MACROD2: variants seen among roughly 807,000 people sequenced by gnomAD.
MACROD2 encodes mono-ADP ribosylhydrolase 2.
A neutral mutation model predicts 70.4 loss-of-function variants in MACROD2; 36 were observed. The observed-to-expected ratio is 0.51, with a 90% confidence interval of 0.39 to 0.68. The LOEUF (loss-of-function observed/expected upper bound fraction) is 0.68. Among genes scored for constraint, MACROD2 ranks in the 30% least tolerant of loss-of-function variants. MACROD2 has a pLI of 0.00. For missense variants in MACROD2, 496 were observed against 538.4 expected (o/e 0.92, Z 0.78); for synonymous variants, 172 against 178.8 (o/e 0.96, Z 0.30).
intron 5 of MACROD2, among the ~76,000 whole-genome samples, chr20:15,143,552 A>G (rs1156439985): frequency 2.0e-5 from 3 of 151,904 alleles, no homozygotes; most frequent in African/African-American, 7.3e-5. Context: ...TTTTGTTGCC[A>G]TTGCTTTTGG....
At chr20:14,793,221 A>T (rs2072470707) in intron 5 of MACROD2, among the ~76,000 whole-genome samples, 1 of 151,906 alleles carries the variant, frequency 6.6e-6, no homozygotes. Context: ...ATATATCTTT[A>T]TCAGGTTATA....
intron 5 of MACROD2, among the ~76,000 whole-genome samples, chr20:14,955,268 T>G (rs1475548979): frequency 1.4e-5 from 2 of 138,204 alleles, no homozygotes; most frequent in Non-Finnish European, 3.1e-5. Flanking sequence ...TATAATATAA[T>G]TTTTATTATA....
intron 8 of MACROD2, among the ~76,000 whole-genome samples, chr20:15,584,514 TAAATA>T (rs371372478): frequency 1.8e-3 from 274 of 152,038 alleles, no homozygotes; most frequent in African/African-American, 6.1e-3. Context: ...CTGAAAAAAA[TAAATA>T]AAATAAAGTG....
chr20:15,617,947 G>A (rs1349838032), intron 8 of MACROD2, among the ~76,000 whole-genome samples: 2 of 152,168 alleles, frequency 1.3e-5, no homozygotes, highest in Non-Finnish European at 2.9e-5. Flanking sequence ...AACAAGCATG[G>A]AACATACCAC....
intron 3 of MACROD2, among the ~76,000 whole-genome samples, chr20:14,416,986 TTC>T (rs1481248458): frequency 2.0e-5 from 3 of 152,178 alleles, no homozygotes; most frequent in Non-Finnish European, 2.9e-5. Context: ...AACTTTAATT[TTC>T]TGTTATGTGA....
At position 15,919,789 on chromosome 20, in the gene MACROD2, G is replaced by T. The variant is rs1009177076; in HGVS notation, c.776-13487G>T. 1.4e-4 allele frequency among the ~76,000 whole-genome samples: 22 copies of T among 152,124 alleles called. 1 individual carries two copies. The highest frequency in any genetic ancestry group is 6.2e-4 in the South Asian group (3 of 4,818). ...GATTATCATCTCAAGACGATCCACT[G>T]TCAGCGGGTATTGCCCTGTTACAGG... On this transcript the variant is annotated intron_variant, in intron 10 of 17. Transcript: ENST00000684519.
rs1568567489 is a variant in MACROD2, at chr20:15,088,449, AT to A, written c.419-141490del. On this transcript the variant is annotated intron_variant, in intron 5 of 17. Coordinates refer to ENST00000684519, the MANE Select transcript of MACROD2 (RefSeq NM_001351661.2). ...TATATATATATATATATATATATAT[AT>A]AATATTTTGTGTGTGTGTGTGTGTT... is the stretch of plus-strand genomic sequence containing the variant. 3.0e-3 allele frequency among the ~76,000 whole-genome samples: 238 copies of A among 78,626 alleles called. 2 individuals carry two copies. Among genetic ancestry groups the A allele is most frequent in the African/African-American group, 8.0e-3 (146 of 18,218 alleles). 51.6% of individuals were successfully genotyped at this position (78,626 alleles called of 152,430 possible).
intron 8 of MACROD2, among the ~76,000 whole-genome samples, chr20:15,787,989 A>G (rs16996539): frequency 0.029 from 4,429 of 152,200 alleles, 245 homozygotes; most frequent in African/African-American, 0.1. Context: ...ACTCTTTTTA[A>G]TGTAATCGTT....
At chr20:15,914,219 A>G (rs2065278279) in intron 10 of MACROD2, among the ~76,000 whole-genome samples, 1 of 152,232 alleles carries the variant, frequency 6.6e-6, no homozygotes, top group South Asian at 2.1e-4. Flanking sequence ...CGGTCCCAGA[A>G]TATCAGACCT....
chr20:15,990,282 TCTC>T (rs2066540448), intron 15 of MACROD2, among the ~76,000 whole-genome samples: 1 of 152,180 alleles, frequency 6.6e-6, no homozygotes, highest in East Asian at 1.9e-4. Flanking sequence ...TTATAGAAGA[TCTC>T]CTCTGAAAAG....
intron 6 of MACROD2, among the ~76,000 whole-genome samples, chr20:15,382,499 C>T (rs2045657924): frequency 6.6e-6 from 1 of 151,950 alleles, no homozygotes. Flanking sequence ...TAGGAGACAC[C>T]CAGTAAATAT....
rs544330086 is a variant in MACROD2, at chr20:14,771,192, A to G, written c.418+86233A>G. On this transcript the variant is annotated intron_variant, in intron 5 of 17. Coordinates refer to ENST00000684519, the MANE Select transcript of MACROD2 (RefSeq NM_001351661.2). The stretch of plus-strand genomic sequence containing the variant: ...TCAGTCTTCTCCTGTTTTGACTGGT[A>G]CTAGACTTATATCATCAGCCCTCCA... Among the ~76,000 whole-genome samples the G allele has an allele frequency of 7.9e-5, 12 of 152,106 alleles. No homozygotes were observed. In the East Asian group the frequency reaches 2.1e-3, roughly 27 times the overall value.
At chr20:15,258,093 AG>A (rs2077215650) in intron 6 of MACROD2, among the ~76,000 whole-genome samples, 1 of 148,416 alleles carries the variant, frequency 6.7e-6, no homozygotes, top group Non-Finnish European at 1.5e-5. Flanking sequence ...ACATATATAT[AG>A]AAAAAGTATT....
intron 4 of MACROD2, among the ~76,000 whole-genome samples, chr20:14,555,488 A>C (rs528646860): frequency 1.3e-5 from 2 of 152,156 alleles, no homozygotes; most frequent in African/African-American, 4.8e-5. Flanking sequence ...TGAGAGGTAC[A>C]TACTTTCATT....
chr20:14,330,270 C>G (rs967270884), intron 3 of MACROD2, among the ~76,000 whole-genome samples: 1 of 151,888 alleles, frequency 6.6e-6, no homozygotes, highest in Admixed American at 6.6e-5. Context: ...CAAATATGCA[C>G]GAAGATTTTT....
chr20:15,389,939 CAAAGT>C (rs2045770077), intron 6 of MACROD2, among the ~76,000 whole-genome samples: 1 of 151,888 alleles, frequency 6.6e-6, no homozygotes, highest in African/African-American at 2.4e-5. Flanking sequence ...ATTTAAAACA[CAAAGT>C]AAAGAGACCA....
chr20:14,707,114 T>A (rs778421720), intron 5 of MACROD2, among the ~76,000 whole-genome samples: 2 of 152,170 alleles, frequency 1.3e-5, no homozygotes, highest in Non-Finnish European at 2.9e-5. Context: ...TACTCCTCTC[T>A]GTTTGAAATG....
intron 5 of MACROD2, among the ~76,000 whole-genome samples, chr20:15,084,435 CAG>C (rs912793055): frequency 1.3e-5 from 2 of 152,122 alleles, no homozygotes; most frequent in African/African-American, 4.8e-5. Flanking sequence ...CCATGTGGAG[CAG>C]AGTCTTGGCT....
rs902300246 is a variant in MACROD2 at position 15,421,645 on chromosome 20, T to C, written c.541-9760T>C. 2.6e-5 allele frequency among the ~76,000 whole-genome samples: 4 copies of C among 152,208 alleles called. No individual in the cohort carries two copies. In the South Asian group the frequency reaches 6.2e-4, roughly 24 times the overall value. Reference sequence around the variant, plus strand: ...CTCCAATTTGTATAGAAGAAAAATATGGCGATGCTTGTATAGATCTTATAA... The same window carrying C: ...CTCCAATTTGTATAGAAGAAAAATACGGCGATGCTTGTATAGATCTTATAA... On this transcript the variant is annotated intron_variant, in intron 6 of 17. Coordinates refer to ENST00000684519, the MANE Select transcript of MACROD2 (RefSeq NM_001351661.2).
Sources: allele counts gnomAD v4.1 joint callset (sites outside exome capture counted in the v4.1 genomes callset), GRCh38; gene constraint gnomAD v4.1.1; transcripts MANE v1.5; gene names NCBI Gene and HGNC (gene_info 2026-07-23, HGNC 2026-07-21).